The following AQP7B variants were observed in gnomAD, a reference collection of about 807,000 sequenced individuals.
AQP7B encodes aquaporin 7B, also known as putative aquaporin-7B.
the AQP7B span, chr2:94,594,831 GC>G: frequency 9.0e-6 from 14 of 1,559,896 alleles, no homozygotes; most frequent in Non-Finnish European, 1.2e-5. Context: ...GGAAGATGGT[GC>G]GAGAGTTCTT....
the AQP7B span, among the ~76,000 whole-genome samples, chr2:94,589,007 G>A: frequency 6.9e-6 from 1 of 145,180 alleles, no homozygotes; most frequent in African/African-American, 2.6e-5. Flanking sequence ...TTTTGAGATG[G>A]AATTCAGTTC....
chr2:94,604,280 G>C, the AQP7B span: 2 of 1,593,926 alleles, frequency 1.3e-6, no homozygotes, highest in African/African-American at 2.7e-5. Flanking sequence ...TCTGCCTCTT[G>C]CCTGCAGCGA....
chr2:94,589,591 T>A, the AQP7B span, among the ~76,000 whole-genome samples: 1 of 152,222 alleles, frequency 6.6e-6, no homozygotes, highest in South Asian at 2.1e-4. Context: ...ATTTCATTGC[T>A]GTCAGCTCCA....
At chr2:94,604,485 T>C in the AQP7B span, 1 of 1,611,016 alleles carries the variant, frequency 6.2e-7, no homozygotes, top group Non-Finnish European at 8.5e-7. Flanking sequence ...ATCTCTCCCC[T>C]CACCCTCATC....
the AQP7B span, chr2:94,602,500 C>T: frequency 3.1e-6 from 5 of 1,605,234 alleles, no homozygotes; most frequent in South Asian, 2.2e-5. Flanking sequence ...AGGTATTCGG[C>T]CTTGGTTCTG....
chr2:94,601,713 G>T, the AQP7B span, among the ~76,000 whole-genome samples: 2 of 152,126 alleles, frequency 1.3e-5, no homozygotes, highest in Non-Finnish European at 2.9e-5. Flanking sequence ...GGGACAGTTT[G>T]CTGGGAAGGA....
the AQP7B span, chr2:94,602,406 G>A: frequency 2.8e-5 from 38 of 1,365,312 alleles, no homozygotes; most frequent in African/African-American, 3.6e-4. Flanking sequence ...AGGGCATGGG[G>A]GTGAGGAGCT....
the AQP7B span, among the ~76,000 whole-genome samples, chr2:94,599,618 C>T: frequency 6.6e-6 from 1 of 152,092 alleles, no homozygotes. Flanking sequence ...CTGGAGGACC[C>T]CTCCACTTCT....
the AQP7B span, chr2:94,603,454 A>G: frequency 1.9e-6 from 3 of 1,611,942 alleles, no homozygotes; most frequent in Admixed American, 1.7e-5. Context: ...CATTTTTGCC[A>G]CCTACCTTCC....
At chr2:94,590,944 C>CAAAAAAAAAAAA in the AQP7B span, among the ~76,000 whole-genome samples, 2 of 49,084 alleles carry the variant, frequency 4.1e-5, no homozygotes, top group East Asian at 7.3e-4. Flanking sequence ...GACCCTGTCT[C>CAAAAAAAAAAAA]AAAAAAAAAA....
chr2:94,589,928 G>A, the AQP7B span, among the ~76,000 whole-genome samples: 1 of 152,140 alleles, frequency 6.6e-6, no homozygotes, highest in Admixed American at 6.5e-5. Context: ...TATCTAGAAT[G>A]TGCACAGCTT....
the AQP7B span, among the ~76,000 whole-genome samples, chr2:94,592,240 C>A: frequency 1.3e-5 from 2 of 152,118 alleles, no homozygotes; most frequent in Non-Finnish European, 2.9e-5. Flanking sequence ...GGGAGAGCAG[C>A]AGCATTCCTC....
the AQP7B span, chr2:94,602,748 C>T: frequency 2.9e-5 from 28 of 966,798 alleles, no homozygotes; most frequent in Non-Finnish European, 3.7e-5. Flanking sequence ...GAGGAAGTCT[C>T]CTCTGAACCC....
the AQP7B span, chr2:94,588,407 G>C: frequency 1.6e-6 from 1 of 616,032 alleles, no homozygotes; most frequent in Non-Finnish European, 2.9e-6. Flanking sequence ...AGCTGCCCCA[G>C]GGCTTCTCCC....
the AQP7B span, chr2:94,594,832 C>T: frequency 9.6e-5 from 150 of 1,557,526 alleles, no homozygotes; most frequent in Middle Eastern, 5.0e-4. Context: ...GAAGATGGTG[C>T]GAGAGTTCTT....
chr2:94,593,291 G>A, the AQP7B span, among the ~76,000 whole-genome samples: 1 of 151,668 alleles, frequency 6.6e-6, no homozygotes, highest in Non-Finnish European at 1.5e-5. Flanking sequence ...GAGCCTCTGG[G>A]GAGGCAGGAG....
chr2:94,600,245 C>T, the AQP7B span, among the ~76,000 whole-genome samples: 1 of 152,156 alleles, frequency 6.6e-6, no homozygotes, highest in African/African-American at 2.4e-5. Flanking sequence ...CTTATGTCTA[C>T]AATTCTTCAG....
At chr2:94,588,983 C>CTTTTTTTTTTTT in the AQP7B span, among the ~76,000 whole-genome samples, 22 of 135,382 alleles carry the variant, frequency 1.6e-4, no homozygotes, top group Non-Finnish European at 2.6e-4. Context: ...GTTTTTTTTT[C>CTTTTTTTTTTTT]TTTTTTTTTT....
chr2:94,594,201 T>A, the AQP7B span, among the ~76,000 whole-genome samples: 2 of 152,212 alleles, frequency 1.3e-5, no homozygotes, highest in Non-Finnish European at 2.9e-5. Context: ...ACCCCTTCAT[T>A]TTTGACAGAA....
Sources: gnomAD v4.1 joint callset for allele counts (sites outside exome capture counted in the v4.1 genomes callset) on GRCh38, gnomAD v4.1.1 for gene constraint, MANE v1.5 for transcripts, NCBI Gene and HGNC (gene_info 2026-07-23, HGNC 2026-07-21) for gene names.